Variants in TCF12 observed in about 807,000 individuals in gnomAD.
TCF12 encodes DNA-binding protein HTF4.
Under a neutral mutation model 86.0 loss-of-function variants are expected in TCF12, and 45 were observed. The ratio of observed to expected loss-of-function variants is 0.52; its 90% CI spans 0.41 to 0.67. The LOEUF (loss-of-function observed/expected upper bound fraction) is 0.67, where lower values mean the gene tolerates loss of function less well. TCF12 is among the 30% of genes least tolerant of loss of function. TCF12 has a pLI of 0.00. For missense variants in TCF12, 881 were observed against 859.9 expected, an observed-to-expected ratio of 1.02 and a Z score of -0.31; for synonymous variants, 330 against 299.6, an observed-to-expected ratio of 1.10 and a Z score of -1.05.
At chr15:57,083,791 C>T (rs1230078284) in intron 4 of TCF12, among the ~76,000 whole-genome samples, 1 of 152,070 alleles carries the variant, frequency 6.6e-6, no homozygotes, top group Admixed American at 6.6e-5. Flanking sequence ...CGCTATGTTG[C>T]CCTGGTCTTG....
At chr15:57,230,261 ATTTG>A (rs1313092239) in intron 8 of TCF12, among the ~76,000 whole-genome samples, 2 of 151,992 alleles carry the variant, frequency 1.3e-5, no homozygotes, top group Non-Finnish European at 2.9e-5. Flanking sequence ...AAACAAAATA[ATTTG>A]TTTGTTTCAT....
chr15:57,100,993 G>T (rs2049702262), intron 5 of TCF12, among the ~76,000 whole-genome samples: 1 of 151,964 alleles, frequency 6.6e-6, no homozygotes, highest in Non-Finnish European at 1.5e-5. Context: ...TTTTATGTGA[G>T]GCCCCATAAA....
chr15:57,214,511 A>T (rs2058253049), intron 8 of TCF12: 1 of 152,164 alleles, frequency 6.6e-6, no homozygotes, highest in Non-Finnish European at 1.5e-5. Context: ...TTGGCTATAT[A>T]GGTAGGTGTT....
chr15:57,011,531 C>T (rs567262260), intron 3 of TCF12, among the ~76,000 whole-genome samples: 1 of 152,228 alleles, frequency 6.6e-6, no homozygotes, highest in East Asian at 1.9e-4. Flanking sequence ...TTCTTTATAG[C>T]AGTGTGAGAA....
intron 8 of TCF12, among the ~76,000 whole-genome samples, chr15:57,211,280 G>A (rs1479447156): frequency 6.6e-6 from 1 of 151,958 alleles, no homozygotes; most frequent in African/African-American, 2.4e-5. Flanking sequence ...TGATAGGGCA[G>A]GGAGCAGGGA....
At chr15:57,052,299 A>G (rs144679990) in intron 3 of TCF12, among the ~76,000 whole-genome samples, 10 of 152,200 alleles carry the variant, frequency 6.6e-5, no homozygotes, top group African/African-American at 1.4e-4. Context: ...TTGCCTTGCA[A>G]TGTCATGCCC....
intron 3 of TCF12, among the ~76,000 whole-genome samples, chr15:57,048,955 T>TA (rs2067424175): frequency 6.6e-6 from 1 of 152,184 alleles, no homozygotes; most frequent in Admixed American, 6.5e-5. Context: ...ATTGAACACT[T>TA]ACTTCTCCAG....
intron 6 of TCF12, among the ~76,000 whole-genome samples, chr15:57,166,994 T>C (rs1375508744): frequency 1.3e-5 from 2 of 152,180 alleles, no homozygotes; most frequent in Non-Finnish European, 2.9e-5. Context: ...CTCATATCTT[T>C]AGACTGAGAA....
intron 4 of TCF12, among the ~76,000 whole-genome samples, chr15:57,074,505 G>GTTTGTTTC (rs2035135514): frequency 1.3e-5 from 2 of 152,026 alleles, no homozygotes; most frequent in Admixed American, 1.3e-4. Flanking sequence ...AAGTTTGTTT[G>GTTTGTTTC]TTTGTTTCTT....
At chr15:57,056,575 T>C (rs2068046883) in intron 3 of TCF12, among the ~76,000 whole-genome samples, 3 of 152,172 alleles carry the variant, frequency 2.0e-5, no homozygotes, top group Non-Finnish European at 4.4e-5. Context: ...TCCTCCAATG[T>C]TAACCTCCCA....
At chr15:56,932,548 G>GATTT (rs370427308) in intron 3 of TCF12, among the ~76,000 whole-genome samples, 15 of 151,980 alleles carry the variant, frequency 9.9e-5, no homozygotes, top group African/African-American at 3.4e-4. Flanking sequence ...AGTGCTTCAA[G>GATTT]ATTTATTTAT....
rs2067111725 is a variant in TCF12, at chr15:57,044,618, G to A, written c.149-19132G>A. On this transcript the variant is annotated intron_variant, in intron 3 of 20. Transcript: ENST00000333725. The stretch of plus-strand genomic sequence containing the variant: ...CTATTGTAATTTTTTTTTCAGCCTT[G>A]CTTTTACCCGTTTTTCTGGTCAAAA... Among the ~76,000 whole-genome samples the A allele has an allele frequency of 2.7e-5, 4 of 150,172 alleles. No homozygotes were observed. In the South Asian group the frequency reaches 8.4e-4, roughly 32 times the overall value.
chr15:57,232,233 T>A, intron 9 of TCF12, 58 bp from the exon 10 acceptor site: 1 of 1,602,054 alleles, frequency 6.2e-7, no homozygotes, highest in African/African-American at 1.3e-5. Flanking sequence ...ATAAGCAACA[T>A]CAAAATACAA....
intron 12 of TCF12, among the ~76,000 whole-genome samples, chr15:57,234,362 C>T (rs1430120860): frequency 1.3e-5 from 2 of 152,212 alleles, no homozygotes; most frequent in African/African-American, 4.8e-5. Context: ...TCTATTTCTT[C>T]TAAATACATA....
chr15:57,253,064 C>T (rs1363547001), intron 15 of TCF12, among the ~76,000 whole-genome samples, 198 bp from the exon 16 acceptor site: 1 of 151,350 alleles, frequency 6.6e-6, no homozygotes, highest in African/African-American at 2.4e-5. Context: ...GTTTCTGAAG[C>T]TTTGAAAATT....
At chr15:57,075,860 TTTCC>T (rs2069972502) in intron 4 of TCF12, among the ~76,000 whole-genome samples, 2 of 136,910 alleles carry the variant, frequency 1.5e-5, no homozygotes, top group African/African-American at 2.7e-5. Flanking sequence ...TCTTTCTTTC[TTTCC>T]ATTCTTTTTT....
intron 5 of TCF12, among the ~76,000 whole-genome samples, chr15:57,150,921 TC>T (rs2053701728): frequency 7.3e-6 from 1 of 136,736 alleles, no homozygotes; most frequent in Non-Finnish European, 1.6e-5. Context: ...CTTCCTTCCT[TC>T]CTTCCTTCCT....
chr15:56,975,069 AT>A (rs2062531488), intron 3 of TCF12, among the ~76,000 whole-genome samples: 1 of 152,138 alleles, frequency 6.6e-6, no homozygotes, highest in African/African-American at 2.4e-5. Flanking sequence ...TAATGAAAAC[AT>A]TTGCAATATT....
In TCF12 at chr15:57,147,459, A is replaced by G. The variant is rs1318941141; in HGVS notation, c.326-18943A>G. Among the ~76,000 whole-genome samples the G allele has an allele frequency of 2.0e-5, 3 of 152,316 alleles. No individual in the cohort carries two copies. In the East Asian group the frequency reaches 5.8e-4, roughly 29 times the overall value. ...TTTAAATTAATCCTGCTTATCTGCT[A>G]TAATCTTTCATTGAAATATTTTAAA... is the stretch of plus-strand genomic sequence containing the variant. On this transcript the variant is annotated intron_variant, in intron 5 of 20. Transcript: ENST00000333725.
Sources: gnomAD v4.1 joint callset for allele counts (sites outside exome capture counted in the v4.1 genomes callset) on GRCh38, gnomAD v4.1.1 for gene constraint, MANE v1.5 for transcripts, NCBI Gene and HGNC (gene_info 2026-07-23, HGNC 2026-07-21) for gene names.